The following COL26A1 variants were observed in gnomAD, a reference collection of about 807,000 sequenced individuals.
COL26A1 encodes the protein collagen type XXVI alpha 1 chain.
Under a neutral mutation model 59.3 loss-of-function variants are expected in COL26A1, and 41 were observed. The ratio of observed to expected loss-of-function variants is 0.69; its 90% CI spans 0.54 to 0.90. The LOEUF (loss-of-function observed/expected upper bound fraction) is 0.90, where lower values mean the gene tolerates loss of function less well. Among genes scored for constraint, COL26A1 ranks in the 40% least tolerant of loss-of-function variants. COL26A1 has a pLI of 0.00. For synonymous variants in COL26A1, 266 were observed against 256.0 expected (o/e 1.04, Z -0.37); for missense variants, 612 against 602.3 (o/e 1.02, Z -0.17).
chr7:101,473,631 CACACACACACACACACACACACAA>C (rs1316707646), intron 3 of COL26A1, among the ~76,000 whole-genome samples: 3 of 150,312 alleles, frequency 2.0e-5, no homozygotes, highest in African/African-American at 7.3e-5. Flanking sequence ...CACACACACA[CACACACACACACACACACACACAA>C]ACACACACAA....
chr7:101,510,898 C>CTTT (rs908747824), intron 3 of COL26A1, among the ~76,000 whole-genome samples: 25 of 130,932 alleles, frequency 1.9e-4, no homozygotes, highest in Non-Finnish European at 2.9e-4. Flanking sequence ...TTCTTTCTTT[C>CTTT]TTTTTTTTTT....
chr7:101,453,423 A>G (rs1430542793), intron 3 of COL26A1, among the ~76,000 whole-genome samples: 1 of 152,186 alleles, frequency 6.6e-6, no homozygotes, highest in East Asian at 1.9e-4. Context: ...CGTTGACTGA[A>G]ATGTCGTTAT....
intron 1 of COL26A1, among the ~76,000 whole-genome samples, chr7:101,375,085 A>G (rs1039750934): frequency 2.0e-5 from 3 of 150,656 alleles, no homozygotes; most frequent in East Asian, 3.9e-4. Context: ...TTAAATAAAT[A>G]AAAAAAAAGA....
chr7:101,375,494 G>A (rs181741818), intron 1 of COL26A1, among the ~76,000 whole-genome samples: 2 of 151,940 alleles, frequency 1.3e-5, no homozygotes, highest in Admixed American at 6.6e-5. Context: ...CCAGGAGTTC[G>A]AGACCAGCCC....
intron 1 of COL26A1, among the ~76,000 whole-genome samples, chr7:101,411,242 G>A (rs891536179): frequency 6.6e-6 from 1 of 152,172 alleles, no homozygotes; most frequent in African/African-American, 2.4e-5. Context: ...CCCTGTGTCC[G>A]CCGTCTTCAG....
At chr7:101,384,738 A>C (rs1197548977) in intron 1 of COL26A1, among the ~76,000 whole-genome samples, 2 of 152,134 alleles carry the variant, frequency 1.3e-5, no homozygotes, top group Non-Finnish European at 1.5e-5. Flanking sequence ...AAGGGAGTTG[A>C]TTAAGGAGAA....
chr7:101,402,553 CTTTTT>C (rs1792033376), intron 1 of COL26A1, among the ~76,000 whole-genome samples: 1 of 151,032 alleles, frequency 6.6e-6, no homozygotes, highest in Non-Finnish European at 1.5e-5. Context: ...CTTTCTTTCT[CTTTTT>C]CTTTCTTTCT....
intron 1 of COL26A1, among the ~76,000 whole-genome samples, chr7:101,374,113 C>T (rs539220038): frequency 6.6e-6 from 1 of 152,296 alleles, no homozygotes; most frequent in African/African-American, 2.4e-5. Flanking sequence ...ATACACATGC[C>T]GTGCTGTTCT....
intron 1 of COL26A1, among the ~76,000 whole-genome samples, chr7:101,402,021 C>T (rs527511977): frequency 3.9e-5 from 6 of 152,218 alleles, no homozygotes; most frequent in Admixed American, 6.5e-5. Flanking sequence ...CATTACCAGC[C>T]GGGTTTATTT....
At chr7:101,424,946 A>G (rs1792608196) in intron 2 of COL26A1, among the ~76,000 whole-genome samples, 1 of 152,048 alleles carries the variant, frequency 6.6e-6, no homozygotes, top group Non-Finnish European at 1.5e-5. Flanking sequence ...TATAAGGGTC[A>G]GGATCTCCCT....
intron 1 of COL26A1, among the ~76,000 whole-genome samples, chr7:101,396,551 C>A (rs955339808): frequency 1.3e-5 from 2 of 152,066 alleles, no homozygotes; most frequent in Non-Finnish European, 2.9e-5. Context: ...CAACCTCTGC[C>A]TCCCGGGTTC....
chr7:101,489,595 C>CTT (rs1329609006), intron 3 of COL26A1, among the ~76,000 whole-genome samples: 1 of 150,228 alleles, frequency 6.7e-6, no homozygotes, highest in East Asian at 1.9e-4. Context: ...CGGCTATTTT[C>CTT]TTTCTTTTTC....
rs58432413 is a variant in COL26A1 at position 101,429,589 on chromosome 7, CT to C, written c.281+9511del. Among the ~76,000 whole-genome samples the C allele has an allele frequency of 3.7e-3, 290 of 78,654 alleles. 1 individual carries two copies. Among genetic ancestry groups the C allele is most frequent in the South Asian group, 0.02 (43 of 2,188 alleles). 51.6% of individuals were successfully genotyped at this position (78,654 alleles called of 152,430 possible). A position where few individuals can be genotyped will look rare whatever the true frequency, so the allele number is the denominator to read the frequency against. On this transcript the variant is annotated intron_variant, in intron 2 of 12. Transcript: ENST00000313669. ...ATTCTTTTTTTTCCTTTCTTTTTTA[CT>C]TTTTTTTTTTTTTTTTTTTTGAGAC...
chr7:101,441,884 TCA>T (rs907204166), intron 2 of COL26A1, among the ~76,000 whole-genome samples: 3 of 152,184 alleles, frequency 2.0e-5, no homozygotes, highest in African/African-American at 7.2e-5. Flanking sequence ...CCTCCTGCAC[TCA>T]CAGCCTTACA....
chr7:101,465,371 C>T (rs924908312), intron 3 of COL26A1, among the ~76,000 whole-genome samples: 7 of 152,118 alleles, frequency 4.6e-5, no homozygotes, highest in African/African-American at 9.7e-5. Context: ...GAGTCATAGC[C>T]TCTGAGCCCT....
chr7:101,489,823 TTTCTTTCTTTCTTTCTTTC>T (rs1794394760), intron 3 of COL26A1, among the ~76,000 whole-genome samples: 1 of 8,950 alleles, frequency 1.1e-4, no homozygotes, highest in Non-Finnish European at 1.8e-4. Flanking sequence ...TCTTTCTTTC[TTTCTTTCTTTCTTTCTTTC>T]TTTCTTTCTT....
intron 3 of COL26A1, among the ~76,000 whole-genome samples, chr7:101,475,720 TGTG>T (rs1290713751): frequency 6.6e-6 from 1 of 151,956 alleles, no homozygotes; most frequent in Non-Finnish European, 1.5e-5. Context: ...TGCATGATTC[TGTG>T]GTGATTCCTT....
chr7:101,420,090 A>T lies in COL26A1; in HGVS notation c.272A>T (p.Asn91Ile), dbSNP rs1413507622. ...QSCRWPGPCA[N>I]LVSYRTLIRP... ...TGCCGGTGGCCGGGGCCCTGCGCCA[A>T]CCTCGTAAGGTAAAGGCCGCTGGGC... Residue 91 changes from asparagine to isoleucine, a missense_variant, in exon 2 of 13, where the codon AAC becomes ATC. Asn to Ile is a moderately radical substitution (Grantham distance 149). Coordinates refer to ENST00000313669, the MANE Select transcript of COL26A1 (RefSeq NM_001278563.3). 2 of 1,613,096 alleles carry T rather than the reference A, an allele frequency of 1.2e-6. No homozygotes were observed.
chr7:101,491,079 G>A (rs1794448797), intron 3 of COL26A1, among the ~76,000 whole-genome samples: 1 of 151,174 alleles, frequency 6.6e-6, no homozygotes, highest in African/African-American at 2.4e-5. Flanking sequence ...GAATGTGTGA[G>A]GCAAAAAAAA....
Sources: allele counts gnomAD v4.1 joint callset (sites outside exome capture counted in the v4.1 genomes callset), GRCh38; gene constraint gnomAD v4.1.1; transcripts MANE v1.5; gene names NCBI Gene and HGNC (gene_info 2026-07-23, HGNC 2026-07-21).